Variants in TOGARAM2 observed in about 807,000 individuals in gnomAD.
The protein encoded by TOGARAM2 is TOG array regulator of axonemal microtubules 2.
A neutral mutation model predicts 93.3 loss-of-function variants in TOGARAM2; 85 were observed. The observed-to-expected ratio is 0.91, with a 90% CI of 0.76 to 1.09. TOGARAM2 has a LOEUF of 1.09. Ranked by LOEUF, TOGARAM2 falls within the 50% of genes least tolerant of loss-of-function variation. TOGARAM2 has a pLI of 0.00. For missense variants in TOGARAM2, 1,277 were observed against 1,334.5 expected (o/e 0.96, Z 0.67); for synonymous variants, 593 against 552.8 (o/e 1.07, Z -1.02).
intron 7 of TOGARAM2, among the ~76,000 whole-genome samples, chr2:29,011,820 C>G (rs886834684): frequency 6.6e-6 from 1 of 152,202 alleles, no homozygotes; most frequent in Admixed American, 6.5e-5. Flanking sequence ...AGCTGGCACA[C>G]GAAGGCTCTG....
rs79235071 is a variant in TOGARAM2 at position 28,968,561 on chromosome 2, C to G, written c.-147+11864C>G. Among the ~76,000 whole-genome samples, 658 of 152,212 alleles carry G rather than the reference C, an allele frequency of 4.3e-3. 17 individuals are homozygous for G. In the East Asian group the frequency reaches 0.08, roughly 19 times the overall value. ...TGCACCCTAGGAAAAGTGTGCATGA[C>G]TTTGGGAGGCCAAGGTGGGTGGATT... On this transcript the variant is annotated intron_variant, in intron 1 of 6. Transcript: ENST00000401723.
rs950467319 is a variant in TOGARAM2 at position 29,032,576 on chromosome 2, A to G, written c.2013-358A>G. Among the ~76,000 whole-genome samples, 13 of 152,254 alleles carry G rather than the reference A, an allele frequency of 8.5e-5. No homozygotes were observed. The East Asian group carries it at 1.2e-3, about 14-fold the overall frequency. On this transcript the variant is annotated intron_variant, in intron 14 of 19. Coordinates refer to ENST00000379558, the MANE Select transcript of TOGARAM2 (RefSeq NM_199280.4). ...CCATTCAACGGAATATTTTGTAGCC[A>G]TTAAAAAGGATGTTTATGGAGAGTT...
intron 19 of TOGARAM2, 99 bp downstream of exon 19, chr2:29,045,509 A>C (rs2276551): frequency 0.13 from 136,182 of 1,022,284 alleles, 13,342 homozygotes; most frequent in East Asian, 0.53. Context: ...TAGACCTGAA[A>C]TAATCCCCCC....
intron 1 of TOGARAM2, among the ~76,000 whole-genome samples, chr2:28,959,448 C>T (rs1671770409): frequency 6.6e-6 from 1 of 152,106 alleles, no homozygotes; most frequent in South Asian, 2.1e-4. Context: ...TTCAAATATA[C>T]AGAAAAGTTA....
chr2:29,011,335 G>A lies in TOGARAM2; in HGVS notation c.831-120G>A, dbSNP rs545075686. 1.8e-5 allele frequency: 14 copies of A among 776,584 alleles called. 1 individual carries two copies. Among genetic ancestry groups the A allele is most frequent in the African/African-American group, 1.3e-4 (7 of 55,916 alleles). The allele number at this position is 776,584 out of a possible 1,614,324, so 48.1% of individuals were successfully genotyped here. A position where few individuals can be genotyped will look rare whatever the true frequency, so the allele number is the denominator to read the frequency against. The stretch of plus-strand genomic sequence containing the variant: ...CAAGAGCCTCTGCAGGGATAACAGT[G>A]CCGTCCCCTCTGTCCCCCATCTCGG... On this transcript the variant is annotated intron_variant, in intron 6 of 19. Coordinates refer to ENST00000379558, the MANE Select transcript of TOGARAM2 (RefSeq NM_199280.4).
chr2:28,963,057 G>T (rs1294294511), intron 1 of TOGARAM2, among the ~76,000 whole-genome samples: 2 of 151,730 alleles, frequency 1.3e-5, no homozygotes, highest in African/African-American at 4.8e-5. Context: ...TGAACTCCTG[G>T]GCTCACGTGA....
Position 29,036,588 on chromosome 2 carries a change from G to A in TOGARAM2, c.2466G>A (p.Val822=), listed in dbSNP as rs748810232. 26 of 1,613,990 alleles carry A rather than the reference G, an allele frequency of 1.6e-5. No individual in the cohort carries two copies. Among genetic ancestry groups the A allele is most frequent in the Non-Finnish European group, 6.8e-6 (8 of 1,179,898 alleles). Residue 822 remains valine, a synonymous_variant, in exon 18 of 20, where the codon GTG becomes GTA. Transcript: ENST00000379558. ...TPRLQDSNKK[V]NQWALESFAK... ...GGCTTCAGGATTCCAACAAGAAAGT[G>A]AACCAGTGGGCGCTGGAGTCCTTCG...
At chr2:28,971,674 G>A (rs774470172) in intron 1 of TOGARAM2, among the ~76,000 whole-genome samples, 14 of 151,388 alleles carry the variant, frequency 9.2e-5, no homozygotes, top group Non-Finnish European at 1.9e-4. Flanking sequence ...TTCCTTTTTC[G>A]TTCTGATGGC....
At chr2:28,957,944 A>G (rs1671749915) in intron 1 of TOGARAM2, among the ~76,000 whole-genome samples, 1 of 152,180 alleles carries the variant, frequency 6.6e-6, no homozygotes, top group Admixed American at 6.5e-5. Flanking sequence ...AGGGAGACAC[A>G]GTTGAGCAAC....
At position 29,024,311 on chromosome 2, in the gene TOGARAM2, G is replaced by A. The variant is rs200564513; in HGVS notation, c.1790G>A (p.Arg597Lys). Residue 597 changes from arginine (R) to lysine (K), a missense_variant, in exon 13 of 20, where the codon AGG (arginine) becomes AAG (lysine). Physicochemically the swap from Arg to Lys is conservative, Grantham distance 26. Coordinates refer to ENST00000379558, the MANE Select transcript of TOGARAM2 (RefSeq NM_199280.4). The part of the protein sequence containing the change: ...FIQRAAGQSL[R>K]AMVENVTLAR... ...CAGAGAGCAGCCGGCCAGTCTCTGA[G>A]GGCTATGGTGGAGAATGTGACCCTT... 92 of 1,613,232 alleles carry A rather than the reference G, an allele frequency of 5.7e-5. No individual in the cohort carries two copies. In the African/African-American group the frequency reaches 9.7e-4, roughly 17 times the overall value.
At chr2:28,967,202 T>A (rs2148218421) in intron 1 of TOGARAM2, among the ~76,000 whole-genome samples, 1 of 152,264 alleles carries the variant, frequency 6.6e-6, no homozygotes, top group Non-Finnish European at 1.5e-5. Context: ...TTAATTTGGA[T>A]CTTGTAAAAA....
intron 7 of TOGARAM2, among the ~76,000 whole-genome samples, chr2:29,011,754 G>T (rs1664263638): frequency 6.6e-6 from 1 of 152,212 alleles, no homozygotes; most frequent in Non-Finnish European, 1.5e-5. Context: ...ACACCAGCTT[G>T]TGCAGCTTGC....
intron 6 of TOGARAM2, among the ~76,000 whole-genome samples, chr2:29,005,736 C>T (rs1427183961): frequency 1.5e-4 from 7 of 47,662 alleles, no homozygotes; most frequent in African/African-American, 3.5e-4. Flanking sequence ...TGTGTGTGAG[C>T]ACATATATGT....
At chr2:28,985,017 T>C (rs1045747789) in intron 1 of TOGARAM2, among the ~76,000 whole-genome samples, 5 of 152,210 alleles carry the variant, frequency 3.3e-5, no homozygotes, top group African/African-American at 1.2e-4. Flanking sequence ...GATGGCCTTA[T>C]GTAGGTGTTA....
rs1197780439 is a variant in TOGARAM2, at chr2:29,026,970, C to G, written c.1971C>G (p.His657Gln). Residue 657 changes from histidine (H) to glutamine (Q), a missense_variant, in exon 14 of 20, where the codon CAC becomes CAG. Coordinates refer to ENST00000379558, the MANE Select transcript of TOGARAM2 (RefSeq NM_199280.4). ...GTRDSTDMLV[H>Q]NLVRLAQDSN... Reference sequence around the variant, plus strand: ...GAGACAGCACAGACATGTTGGTGCACAACCTGGTGAGGCTGGCACAGGACT... The same window carrying G: ...GAGACAGCACAGACATGTTGGTGCAGAACCTGGTGAGGCTGGCACAGGACT... The G allele has an allele frequency of 1.3e-6, 2 of 1,567,286 alleles. No individual in the cohort carries two copies. The highest frequency in any genetic ancestry group is 1.4e-5 in the African/African-American group (1 of 73,702).
intron 14 of TOGARAM2, among the ~76,000 whole-genome samples, chr2:29,029,264 T>TACACACACACACACAC (rs146395549): frequency 0.014 from 2,098 of 147,918 alleles, 25 homozygotes; most frequent in Non-Finnish European, 0.018. Flanking sequence ...TATGTGTGTA[T>TACACACACACACACAC]ACACACACAC....
chr2:28,988,119 G>A (rs1367463871), intron 1 of TOGARAM2, among the ~76,000 whole-genome samples: 1 of 152,238 alleles, frequency 6.6e-6, no homozygotes, highest in Non-Finnish European at 1.5e-5. Flanking sequence ...AGAGAGGGAG[G>A]TCTGGGCTCT....
intron 2 of TOGARAM2, among the ~76,000 whole-genome samples, chr2:28,995,336 T>G (rs1672941231): frequency 6.6e-6 from 1 of 152,218 alleles, no homozygotes; most frequent in Non-Finnish European, 1.5e-5. Flanking sequence ...GAGCCTCAGT[T>G]TCCCCTGGAA....
chr2:29,005,389 CATGT>C (rs1392556525), intron 6 of TOGARAM2, among the ~76,000 whole-genome samples: 1 of 95,282 alleles, frequency 1.0e-5, no homozygotes, highest in Non-Finnish European at 2.1e-5. Context: ...TATGTGGGTG[CATGT>C]ATGTGGAGTG....
Sources: gnomAD v4.1 joint callset for allele counts (sites outside exome capture counted in the v4.1 genomes callset) on GRCh38, gnomAD v4.1.1 for gene constraint, MANE v1.5 for transcripts, NCBI Gene and HGNC (gene_info 2026-07-23, HGNC 2026-07-21) for gene names.